The following BCAT1 variants were observed in gnomAD, a reference collection of about 807,000 sequenced individuals.
The protein encoded by BCAT1 is branched-chain-amino-acid aminotransferase, cytosolic.
In BCAT1, 48 loss-of-function variants were observed where a neutral mutation model predicts 52.4. The ratio of observed to expected loss-of-function variants is 0.92; its 90% CI spans 0.73 to 1.16. BCAT1 has a LOEUF of 1.16. BCAT1 is among the 50% of genes most tolerant of loss of function. The pLI, the probability that BCAT1 is intolerant of heterozygous loss-of-function variation, is 0.00. For synonymous variants in BCAT1, 167 were observed against 161.3 expected (o/e 1.04, Z -0.27); for missense variants, 451 against 457.1 (o/e 0.99, Z 0.12).
chr12:24,817,875 G>A lies in BCAT1; in HGVS notation c.*133C>T. On this transcript the variant is annotated 3_prime_UTR_variant, in exon 11 of 11. Coordinates refer to ENST00000261192, the MANE Select transcript of BCAT1 (RefSeq NM_005504.7). ...CTGGCATGAAGAAACAATCACTCTT[G>A]TAACACATTGATACTACAAACTACA... 1 of 885,018 alleles carries A rather than the reference G, an allele frequency of 1.1e-6. No homozygotes were observed. The highest frequency in any genetic ancestry group is 1.7e-5 in the African/African-American group (1 of 60,248). 54.8% of individuals were successfully genotyped at this position (885,018 alleles called of 1,614,324 possible). A position where few individuals can be genotyped will look rare whatever the true frequency, so the allele number is the denominator to read the frequency against.
chr12:24,834,434 A>T (rs2139394909), intron 8 of BCAT1: 1 of 984,988 alleles, frequency 1.0e-6, no homozygotes, highest in Middle Eastern at 5.2e-4. Context: ...ATGTGTTTAA[A>T]CTATCTGTTT....
intron 1 of BCAT1, among the ~76,000 whole-genome samples, chr12:24,943,470 G>A (rs1943877835): frequency 1.7e-5 from 2 of 117,330 alleles, no homozygotes; most frequent in Admixed American, 1.2e-4. Flanking sequence ...TCCAGCCTAG[G>A]TGACAGAATG....
intron 3 of BCAT1, among the ~76,000 whole-genome samples, chr12:24,892,606 A>G (rs1942873943): frequency 6.6e-6 from 1 of 152,206 alleles, no homozygotes; most frequent in South Asian, 2.1e-4. Context: ...TCATCCCAGC[A>G]CTTGAAGAAG....
intron 1 of BCAT1, chr12:24,945,668 AC>A (rs1171301793): frequency 6.6e-6 from 1 of 152,156 alleles, no homozygotes; most frequent in African/African-American, 2.4e-5. Context: ...CTCCGTCTTT[AC>A]AAAAAAATAC....
chr12:24,826,391 A>G (rs911815064), intron 10 of BCAT1, among the ~76,000 whole-genome samples: 1 of 152,162 alleles, frequency 6.6e-6, no homozygotes, highest in Non-Finnish European at 1.5e-5. Context: ...TATTGAAAAG[A>G]CTGTCTTCCC....
intron 7 of BCAT1, among the ~76,000 whole-genome samples, chr12:24,837,123 A>G: frequency 7.0e-6 from 1 of 142,334 alleles, no homozygotes; most frequent in Admixed American, 7.0e-5. Flanking sequence ...GAAGGAAGGG[A>G]GGAAGGGGGG....
At chr12:24,925,203 C>T (rs946677233) in intron 1 of BCAT1, among the ~76,000 whole-genome samples, 1 of 152,154 alleles carries the variant, frequency 6.6e-6, no homozygotes, top group South Asian at 2.1e-4. Context: ...AAGGCCTTAA[C>T]AGCAAAAAAG....
At chr12:24,894,080 A>G (rs1213674898) in intron 3 of BCAT1, among the ~76,000 whole-genome samples, 195 bp downstream of exon 3, 1 of 152,200 alleles carries the variant, frequency 6.6e-6, no homozygotes, top group African/African-American at 2.4e-5. Context: ...AAAATGCAAG[A>G]TTATCTGAAA....
chr12:24,906,876 G>T (rs1310893421), intron 1 of BCAT1, among the ~76,000 whole-genome samples: 1 of 152,198 alleles, frequency 6.6e-6, no homozygotes, highest in East Asian at 1.9e-4. Context: ...GTACCAAACA[G>T]CTTCCAAGCA....
intron 3 of BCAT1, among the ~76,000 whole-genome samples, chr12:24,885,468 T>C (rs570773508): frequency 1.3e-5 from 2 of 152,330 alleles, no homozygotes; most frequent in South Asian, 4.1e-4. Context: ...CTGATTTATG[T>C]ATTCAATGTA....
At position 24,881,599 on chromosome 12, in the gene BCAT1, G is replaced by A. The variant is rs181326021; in HGVS notation, c.280-188C>T. Among the ~76,000 whole-genome samples, 8 of 152,292 alleles carry A rather than the reference G, an allele frequency of 5.3e-5. No homozygotes were observed. In the East Asian group the frequency reaches 1.5e-3, roughly 29 times the overall value. On this transcript the variant is annotated intron_variant, in intron 3 of 10. Transcript: ENST00000261192. The stretch of plus-strand genomic sequence containing the variant: ...GACTGGTAAAAACAATGGTTGAGGT[G>A]GAGGAAAGTTATTTTATTATCAGAA...
At chr12:24,907,602 G>A (rs1943246273) in intron 1 of BCAT1, among the ~76,000 whole-genome samples, 3 of 152,138 alleles carry the variant, frequency 2.0e-5, no homozygotes, top group Admixed American at 6.5e-5. Context: ...CTGCCCTTGC[G>A]ATAATGTACT....
chr12:24,916,532 TTTTG>T (rs1212209233), intron 1 of BCAT1, among the ~76,000 whole-genome samples: 1 of 152,096 alleles, frequency 6.6e-6, no homozygotes, highest in African/African-American at 2.4e-5. Flanking sequence ...TTTGTTTGCT[TTTTG>T]TTTTTTTGTT....
At chr12:24,864,041 T>A (rs558249567) in intron 5 of BCAT1, among the ~76,000 whole-genome samples, 20 of 152,226 alleles carry the variant, frequency 1.3e-4, no homozygotes, top group Non-Finnish European at 2.5e-4. Flanking sequence ...TGGAACATGT[T>A]CATTTATTTA....
At chr12:24,848,293 A>G (rs10160847) in intron 6 of BCAT1, among the ~76,000 whole-genome samples, 1 of 151,930 alleles carries the variant, frequency 6.6e-6, no homozygotes, top group South Asian at 2.1e-4. Context: ...CCCTTCCCGA[A>G]CACCCTCTCA....
intron 3 of BCAT1, among the ~76,000 whole-genome samples, chr12:24,890,565 G>A (rs1248022891): frequency 6.6e-6 from 1 of 152,140 alleles, no homozygotes; most frequent in Non-Finnish European, 1.5e-5. Flanking sequence ...TAATTATAAT[G>A]CATTAGCATG....
At position 24,818,398 on chromosome 12, in the gene BCAT1, A is replaced by G. The variant is rs536441118; in HGVS notation, c.1120-349T>C. 4.6e-5 allele frequency among the ~76,000 whole-genome samples: 7 copies of G among 152,282 alleles called. 1 individual carries two copies. The highest frequency in any genetic ancestry group is 7.2e-5 in the African/African-American group (3 of 41,564). ...TTCATTATCATTTCTCATTGAGTTA[A>G]CTTGCTTAATGACTGTGACTTTTAC... On this transcript the variant is annotated intron_variant, in intron 10 of 10. Transcript: ENST00000261192.
rs1273970484 is a variant in BCAT1 at position 24,850,063 on chromosome 12, A to G, written c.511-114T>C. On this transcript the variant is annotated intron_variant, in intron 5 of 10. Transcript: ENST00000261192. ...AAGAAGCCATCGAATTACAGGAGCTATTACCATACTTTTAAAATTGAGTTA... is the reference window on the plus strand; with the variant it reads ...AAGAAGCCATCGAATTACAGGAGCTGTTACCATACTTTTAAAATTGAGTTA... 14 of 1,008,166 alleles carry G rather than the reference A, an allele frequency of 1.4e-5. No homozygotes were observed. In the East Asian group the frequency reaches 2.7e-4, roughly 20 times the overall value. The allele number at this position is 1,008,166 out of a possible 1,614,324, so 62.5% of individuals were successfully genotyped here.
intron 1 of BCAT1, among the ~76,000 whole-genome samples, chr12:24,931,054 C>G (rs532533658): frequency 3.9e-5 from 6 of 152,070 alleles, no homozygotes; most frequent in African/African-American, 1.4e-4. Context: ...AGGAGCCCAC[C>G]ACCACGCCTG....
Sources: gnomAD v4.1 joint callset for allele counts (sites outside exome capture counted in the v4.1 genomes callset) on GRCh38, gnomAD v4.1.1 for gene constraint, MANE v1.5 for transcripts, NCBI Gene and HGNC (gene_info 2026-07-23, HGNC 2026-07-21) for gene names.